MYH9: variants seen among roughly 807,000 people sequenced by gnomAD.
The protein encoded by MYH9 is myosin-9.
Under a neutral mutation model 241.9 loss-of-function variants are expected in MYH9, and 29 were observed. The observed-to-expected ratio is 0.12, with a 90% confidence interval of 0.09 to 0.16. MYH9 has a LOEUF of 0.16. MYH9 is among the 10% of genes least tolerant of loss of function. The pLI is 1.00. For missense variants in MYH9, 1,803 were observed against 2,595.5 expected (o/e 0.69, Z 6.63); for synonymous variants, 1,047 against 1,062.6 (o/e 0.99, Z 0.29).
At chr22:36,298,741 C>G (rs1034576734) in intron 24 of MYH9, among the ~76,000 whole-genome samples, 178 bp downstream of exon 24, 2 of 152,192 alleles carry the variant, frequency 1.3e-5, no homozygotes, top group African/African-American at 4.8e-5. Context: ...GCACCAGACA[C>G]GGCTCCCCTC....
chr22:36,283,386 A>G lies in MYH9; in HGVS notation c.5766-601T>C, dbSNP rs181580634. Reference sequence around the variant, plus strand: ...ACCCCGTCTCCACTAAAAATACAAAAATTAGCCGGGCATAGTGGTGCATGC... The same window carrying G: ...ACCCCGTCTCCACTAAAAATACAAAGATTAGCCGGGCATAGTGGTGCATGC... On this transcript the variant is annotated intron_variant, in intron 40 of 40. Transcript: ENST00000216181. 1.8e-4 allele frequency among the ~76,000 whole-genome samples: 28 copies of G among 151,986 alleles called. No homozygotes were observed. The East Asian group carries it at 5.4e-3, about 29-fold the overall frequency.
chr22:36,303,865 G>C, intron 19 of MYH9, 130 bp downstream of exon 19: 1 of 978,874 alleles, frequency 1.0e-6, no homozygotes, highest in Non-Finnish European at 1.6e-6. Flanking sequence ...ACAGGGGTAG[G>C]AAGAGCCACC....
intron 1 of MYH9, among the ~76,000 whole-genome samples, chr22:36,378,953 T>C (rs1251091886): frequency 6.6e-6 from 1 of 151,820 alleles, no homozygotes; most frequent in Non-Finnish European, 1.5e-5. Flanking sequence ...CTTAAGCAAA[T>C]CGCTTTTTCT....
intron 1 of MYH9, among the ~76,000 whole-genome samples, chr22:36,373,950 T>C (rs1007605805): frequency 3.9e-5 from 6 of 152,164 alleles, no homozygotes; most frequent in Admixed American, 1.3e-4. Flanking sequence ...CATGTGTATA[T>C]GGACAGAAAA....
chr22:36,332,471 G>A (rs1469718191), intron 3 of MYH9, among the ~76,000 whole-genome samples: 5 of 151,830 alleles, frequency 3.3e-5, no homozygotes, highest in Non-Finnish European at 7.4e-5. Flanking sequence ...ACCACGGTAG[G>A]CCCAGACCAA....
In MYH9 at chr22:36,302,267, C is replaced by T. The variant is rs181524111; in HGVS notation, c.2499+301G>A. On this transcript the variant is annotated intron_variant, in intron 20 of 40. Transcript: ENST00000216181. Reference sequence around the variant, plus strand: ...AATTATGTATTATACACAAAAGCAGCCCGGACAAGTTTAAAAATAAAGAGA... The same window carrying T: ...AATTATGTATTATACACAAAAGCAGTCCGGACAAGTTTAAAAATAAAGAGA... The T allele has an allele frequency of 7.4e-4, 260 of 351,802 alleles. 3 individuals carry two copies. Among genetic ancestry groups the T allele is most frequent in the South Asian group, 4.8e-3 (188 of 38,932 alleles). The allele number at this position is 351,802 out of a possible 1,614,324, so 21.8% of individuals were successfully genotyped here.
chr22:36,293,675 C>T lies in MYH9; in HGVS notation c.3942+84G>A, dbSNP rs1358207130. On this transcript the variant is annotated intron_variant, in intron 29 of 40. Transcript: ENST00000216181. This position sits in a 1 kb window ranked among gnomAD's most constrained non-coding sequence, Gnocchi z 5.1. ...CAGATGAAGGAGAGGATGGGCAATCCGATGGGCTCTGAAGCTAATGTTGCG... is the reference window on the plus strand; with the variant it reads ...CAGATGAAGGAGAGGATGGGCAATCTGATGGGCTCTGAAGCTAATGTTGCG... The T allele has an allele frequency of 3.6e-6, 5 of 1,385,058 alleles. No individual in the cohort carries two copies. Among genetic ancestry groups the T allele is most frequent in the Non-Finnish European group, 5.1e-6 (5 of 987,602 alleles). The allele number at this position is 1,385,058 out of a possible 1,614,324, so 85.8% of individuals were successfully genotyped here.
At chr22:36,294,585 A>G (rs1434701455) in intron 27 of MYH9, among the ~76,000 whole-genome samples, 1 of 152,238 alleles carries the variant, frequency 6.6e-6, no homozygotes, top group African/African-American at 2.4e-5. Context: ...GCCAGGTTCT[A>G]GGGCATGGCA....
intron 1 of MYH9, among the ~76,000 whole-genome samples, chr22:36,356,231 G>A (rs977107996): frequency 6.6e-6 from 1 of 152,072 alleles, no homozygotes; most frequent in African/African-American, 2.4e-5. Flanking sequence ...TTCTACTTGC[G>A]GCCGTTGGTT....
At position 36,301,608 on chromosome 22, in the gene MYH9, C is replaced by T; in HGVS notation, c.2557G>A (p.Glu853Lys). 1 of 1,614,058 alleles carries T rather than the reference C, an allele frequency of 6.2e-7. No individual in the cohort carries two copies. The highest frequency in any genetic ancestry group is 8.5e-7 in the Non-Finnish European group (1 of 1,180,034). The change falls in exon 21 of 41, where the codon GAG (glutamate) becomes AAG (lysine). Residue 853 changes from glutamate (E) to lysine (K), a missense_variant. Glu to Lys is a moderately conservative substitution (Grantham distance 56). This residue lies in a region of MYH9 where 290 missense variants were observed against 360.5 expected (regional missense o/e 0.80). Transcript: ENST00000216181. Reference protein sequence around the residue: ...QEEEMMAKEEELVKVREKQLA... With the variant: ...QEEEMMAKEEKLVKVREKQLA... ...TGCTTCTCTCTGACCTTCACCAGCT[C>T]CTCCTCCTTGGCCATCATCTCCTCC...
At chr22:36,325,579 C>T (rs1053775516) in intron 5 of MYH9, among the ~76,000 whole-genome samples, 5 of 152,240 alleles carry the variant, frequency 3.3e-5, no homozygotes, top group African/African-American at 4.8e-5. Context: ...GAGAACTCCC[C>T]GGCACTGCTT....
At chr22:36,291,939 T>G (rs1354711817) in intron 31 of MYH9, 47 bp downstream of exon 31, 1 of 1,613,126 alleles carries the variant, frequency 6.2e-7, no homozygotes, top group Non-Finnish European at 8.5e-7. Context: ...TTGGACTCAG[T>G]GCTTGAAGGA....
Position 36,304,080 on chromosome 22 carries a change from C to T in MYH9, c.2305G>A (p.Ala769Thr). ...SKVFFRAGVLAHLEEERDLKI... is the reference protein window; with the variant it reads ...SKVFFRAGVLTHLEEERDLKI... ...AGGTCTCGCTCCTCCTCCAGGTGGG[C>T]CAGCACACCGGCACGGAAGAAGACT... Residue 769 changes from alanine to threonine, a missense_variant, in exon 19 of 41, where the codon GCC (alanine) becomes ACC (threonine). Around this residue, in one of 11 missense-constraint regions of MYH9, gnomAD observed 72 missense variants for 83.3 expected, o/e 0.86. Transcript: ENST00000216181. The T allele has an allele frequency of 6.2e-7, 1 of 1,613,868 alleles. No individual in the cohort carries two copies. The highest frequency in any genetic ancestry group is 8.5e-7 in the Non-Finnish European group (1 of 1,180,038).
chr22:36,313,865 A>C (rs2017107491), intron 13 of MYH9, among the ~76,000 whole-genome samples: 1 of 152,180 alleles, frequency 6.6e-6, no homozygotes, highest in Non-Finnish European at 1.5e-5. Flanking sequence ...TCTGGGACTG[A>C]AAACAGGATG....
chr22:36,367,783 G>A (rs1477261939), intron 1 of MYH9, among the ~76,000 whole-genome samples: 1 of 152,236 alleles, frequency 6.6e-6, no homozygotes, highest in Non-Finnish European at 1.5e-5. Flanking sequence ...GAAGGAAGCA[G>A]CAGCGGCCCC....
rs369011405 is a variant in MYH9, at chr22:36,320,298, C to T, written c.934G>A (p.Gly312Arg). The change falls in exon 9 of 41, where the codon GGG becomes AGG. Residue 312 changes from glycine (G) to arginine (R), a missense_variant. Gly to Arg is a moderately radical substitution (Grantham distance 125). Transcript: ENST00000216181. This position sits in a 1 kb window ranked among gnomAD's most constrained non-coding sequence, Gnocchi z 4.8. ...FLSNGHVTIP[G>R]QQDKDMFQET... The stretch of plus-strand genomic sequence containing the variant: ...TGGAACATGTCCTTGTCCTGCTGCC[C>T]GGGGATGGTGACGTGTCCATTGGAC... The T allele has an allele frequency of 1.4e-5, 23 of 1,614,068 alleles. No individual in the cohort carries two copies. The highest frequency in any genetic ancestry group is 2.7e-5 in the African/African-American group (2 of 74,924).
At chr22:36,356,484 G>A (rs1288805655) in intron 1 of MYH9, among the ~76,000 whole-genome samples, 1 of 150,354 alleles carries the variant, frequency 6.7e-6, no homozygotes, top group Non-Finnish European at 1.5e-5. Context: ...GGGAGGCTGA[G>A]GCACGAGAAT....
At chr22:36,347,497 C>A (rs2017695335) in intron 2 of MYH9, among the ~76,000 whole-genome samples, 2 of 151,674 alleles carry the variant, frequency 1.3e-5, no homozygotes, top group African/African-American at 4.8e-5. Context: ...CTTTGGGAGG[C>A]CCAAGCAGAA....
In MYH9 at chr22:36,306,048, C is replaced by A. The variant is rs145241551; in HGVS notation, c.2041G>T (p.Gly681Cys). The change falls in exon 17 of 41, where the codon GGC (glycine) becomes TGC (cysteine). Residue 681 changes from glycine to cysteine, a missense_variant. Physicochemically the swap from Gly to Cys is radical, Grantham distance 159. This residue lies in a region of MYH9 where 163 missense variants were observed against 349.7 expected (regional missense o/e 0.47). Transcript: ENST00000216181. This position sits in a 1 kb window ranked among gnomAD's most constrained non-coding sequence, Gnocchi z 4.1. Reference sequence around the variant, plus strand: ...AGCACGAGATGCGGGTCCAGCTTGCCGGCCTGGAGAAGAAAACACATGCAT... The same window carrying A: ...AGCACGAGATGCGGGTCCAGCTTGCAGGCCTGGAGAAGAAAACACATGCAT... The part of the protein sequence containing the change: ...CIIPNHEKKA[G>C]KLDPHLVLDQ... 1 of 1,613,042 alleles carries A rather than the reference C, an allele frequency of 6.2e-7. No homozygotes were observed. The highest frequency in any genetic ancestry group is 8.5e-7 in the Non-Finnish European group (1 of 1,180,016).
Sources: gnomAD v4.1 joint callset for allele counts (sites outside exome capture counted in the v4.1 genomes callset) on GRCh38, gnomAD v4.1.1 for gene constraint, gnomAD v4.1.1 regional missense constraint, Gnocchi (gnomAD v3.1) non-coding constraint, MANE v1.5 for transcripts, NCBI Gene and HGNC (gene_info 2026-07-23, HGNC 2026-07-21) for gene names.